The following IRF2BPL variants were observed in gnomAD, a reference collection of about 807,000 sequenced individuals.
IRF2BPL encodes the protein probable E3 ubiquitin-protein ligase IRF2BPL.
In IRF2BPL, 13 loss-of-function variants were observed where a neutral mutation model predicts 51.2. The ratio of observed to expected loss-of-function variants is 0.25; its 90% confidence interval spans 0.17 to 0.40. The LOEUF (loss-of-function observed/expected upper bound fraction) is 0.40, where lower values mean the gene tolerates loss of function less well. IRF2BPL is among the 10% of genes least tolerant of loss of function. The pLI is 1.00. For synonymous variants in IRF2BPL, 768 were observed against 509.2 expected, an observed-to-expected ratio of 1.51 and a Z score of -6.84; for missense variants, 1,210 against 1,111.8, an observed-to-expected ratio of 1.09 and a Z score of -1.26.
In IRF2BPL at chr14:77,025,405, A is replaced by G. The variant is rs753122396; in HGVS notation, c.2388T>C (p.Pro796=). The change falls in exon 1 of 1, where the codon CCT becomes CCC. Residue 796 remains proline (P), a synonymous_variant. Transcript: ENST00000238647. ...AAGGAGGTGGCTGCCCAGTGGTTCA[A>G]GGGTCTCTCTCCTTTTTCACTTTAA... ...GDVKVKKERD[P] 1 of 1,548,692 alleles carries G rather than the reference A, an allele frequency of 6.5e-7. No individual in the cohort carries two copies. Among genetic ancestry groups the G allele is most frequent in the South Asian group, 1.2e-5 (1 of 80,776 alleles).
At position 77,026,264 on chromosome 14, in the gene IRF2BPL, G is replaced by A. The variant is rs1885113949; in HGVS notation, c.1529C>T (p.Ala510Val). The change falls in exon 1 of 1, where the codon GCT becomes GTT. Residue 510 changes from alanine (A) to valine (V), a missense_variant. Physicochemically the swap from Ala to Val is moderately conservative, Grantham distance 64. Transcript: ENST00000238647. ...LDASCPMLPT[A>V]LVSLSRAPSA... ...GGGGGCGCGGCTCAGACTCACCAGA[G>A]CAGTGGGCAGCATGGGACAGCTGGC... 2 of 1,490,534 alleles carry A rather than the reference G, an allele frequency of 1.3e-6. No individual in the cohort carries two copies. Among genetic ancestry groups the A allele is most frequent in the East Asian group, 2.4e-5 (1 of 41,112 alleles). The allele number at this position is 1,490,534 out of a possible 1,614,324, so 92.3% of individuals were successfully genotyped here. A position where few individuals can be genotyped will look rare whatever the true frequency, so the allele number is the denominator to read the frequency against.
In IRF2BPL at chr14:77,024,659, G is replaced by C. The variant is rs890138370; in HGVS notation, c.*743C>G. On this transcript the variant is annotated 3_prime_UTR_variant, in exon 1 of 1. Coordinates refer to ENST00000238647, the MANE Select transcript of IRF2BPL (RefSeq NM_024496.4). ...GCAGATTCTCCATGTCTAGCATTTCGCTCTACTGTTCAAAAGCATCCGTGC... is the reference window on the plus strand; with the variant it reads ...GCAGATTCTCCATGTCTAGCATTTCCCTCTACTGTTCAAAAGCATCCGTGC... 1 of 152,476 alleles carries C rather than the reference G, an allele frequency of 6.6e-6. No individual in the cohort carries two copies. The highest frequency in any genetic ancestry group is 1.5e-5 in the Non-Finnish European group (1 of 68,024). 9.4% of individuals were successfully genotyped at this position (152,476 alleles called of 1,614,324 possible). A position where few individuals can be genotyped will look rare whatever the true frequency, so the allele number is the denominator to read the frequency against.
Position 77,027,148 on chromosome 14 carries a change from G to A in IRF2BPL, c.645C>T (p.Ser215=), listed in dbSNP as rs1302535008. Residue 215 remains serine (S), a synonymous_variant, in exon 1 of 1, where the codon AGC becomes AGT. Transcript: ENST00000238647. ...EEGPPELNRQ[S]PNSSSAAASV... ...ACGCCGCCGCTGAAGAAGAATTGGG[G>A]CTCTGACGGTTCAGCTCTGGGGGTC... The A allele has an allele frequency of 3.7e-6, 6 of 1,613,168 alleles. No homozygotes were observed. The highest frequency in any genetic ancestry group is 4.2e-6 in the Non-Finnish European group (5 of 1,179,674).
chr14:77,026,044 G>C lies in IRF2BPL; in HGVS notation c.1749C>G (p.Ala583=). ...CGTGCCCCGGCGCCGCGAAGCCCCC[G>C]GCGGACATGGTGAGCTTCAGCGCCT... ...QSEALKLTMS[A]GGFAAPGHAA... The change falls in exon 1 of 1, where the codon GCC becomes GCG. Residue 583 remains alanine (A), a synonymous_variant. Coordinates refer to ENST00000238647, the MANE Select transcript of IRF2BPL (RefSeq NM_024496.4). 1 of 1,564,562 alleles carries C rather than the reference G, an allele frequency of 6.4e-7. No individual in the cohort carries two copies. The highest frequency in any genetic ancestry group is 8.6e-7 in the Non-Finnish European group (1 of 1,157,324).
rs759689794 is a variant in IRF2BPL at position 77,025,592 on chromosome 14, G to T, written c.2201C>A (p.Pro734His). The change falls in exon 1 of 1, where the codon CCC becomes CAC. Residue 734 changes from proline (P) to histidine (H), a missense_variant. Transcript: ENST00000238647. ...DTHFVQCPSV[P>H]SHKFCFPCSR... ...GCAAGGGAAGCAAAATTTGTGGCTG[G>T]GGACGGAAGGGCACTGAACGAAATG... 3 of 1,606,384 alleles carry T rather than the reference G, an allele frequency of 1.9e-6. No homozygotes were observed. The highest frequency in any genetic ancestry group is 2.6e-6 in the Non-Finnish European group (3 of 1,176,058).
In IRF2BPL at chr14:77,027,192, T is replaced by G. The variant is rs1294641190; in HGVS notation, c.601A>C (p.Lys201Gln). The change falls in exon 1 of 1, where the codon AAA (lysine) becomes CAA (glutamine). Residue 201 changes from lysine (K) to glutamine (Q), a missense_variant. Coordinates refer to ENST00000238647, the MANE Select transcript of IRF2BPL (RefSeq NM_024496.4). Reference sequence around the variant, plus strand: ...GGGGGTCCCTCCTCTGGTGTTGGTTTGGGGAAGCCGTTTGGGCCCCCCAGG... The same window carrying G: ...GGGGGTCCCTCCTCTGGTGTTGGTTGGGGGAAGCCGTTTGGGCCCCCCAGG... ...NGLGGPNGFPKPTPEEGPPEL... is the reference protein window; with the variant it reads ...NGLGGPNGFPQPTPEEGPPEL... 1.2e-6 allele frequency: 2 copies of G among 1,611,420 alleles called. No homozygotes were observed. Among genetic ancestry groups the G allele is most frequent in the South Asian group, 2.2e-5 (2 of 90,952 alleles).
In IRF2BPL at chr14:77,028,700, G is replaced by T; in HGVS notation, c.-908C>A. On this transcript the variant is annotated 5_prime_UTR_variant, in exon 1 of 1. Coordinates refer to ENST00000238647, the MANE Select transcript of IRF2BPL (RefSeq NM_024496.4). ...CGCTCCTGCTCCGGCTGCGGCTCGC[G>T]CTGTCCCCGGCTTGGCCGCGCGGGA... 2.9e-6 allele frequency: 1 copy of T among 346,060 alleles called. No homozygotes were observed. 21.4% of individuals were successfully genotyped at this position (346,060 alleles called of 1,614,324 possible).
At position 77,025,652 on chromosome 14, in the gene IRF2BPL, C is replaced by T. The variant is rs370752093; in HGVS notation, c.2141G>A (p.Cys714Tyr). The T allele has an allele frequency of 6.4e-7, 1 of 1,570,054 alleles. No individual in the cohort carries two copies. Among genetic ancestry groups the T allele is most frequent in the Non-Finnish European group, 8.7e-7 (1 of 1,155,088 alleles). ...CAAACGTTCGTGGCAAATGGTGCAGCAGAGGGGTCCGCTGTTGGCCATGGG... is the reference window on the plus strand; with the variant it reads ...CAAACGTTCGTGGCAAATGGTGCAGTAGAGGGGTCCGCTGTTGGCCATGGG... The part of the protein sequence containing the change: ...DSPMANSGPL[C>Y]CTICHERLED... Residue 714 changes from cysteine (C) to tyrosine (Y), a missense_variant, in exon 1 of 1, where the codon TGC (cysteine) becomes TAC (tyrosine). Cys to Tyr is a radical substitution (Grantham distance 194, BLOSUM62 -2). Coordinates refer to ENST00000238647, the MANE Select transcript of IRF2BPL (RefSeq NM_024496.4).
rs769398917 is a variant in IRF2BPL, at chr14:77,027,359, C to T, written c.434G>A (p.Gly145Asp). 2.6e-6 allele frequency: 4 copies of T among 1,513,710 alleles called. No homozygotes were observed. Among genetic ancestry groups the T allele is most frequent in the Non-Finnish European group, 3.5e-6 (4 of 1,134,878 alleles). The allele number at this position is 1,513,710 out of a possible 1,614,324, so 93.8% of individuals were successfully genotyped here. A position where few individuals can be genotyped will look rare whatever the true frequency, so the allele number is the denominator to read the frequency against. The stretch of plus-strand genomic sequence containing the variant: ...AGCGCTTAGGCCGTAGCGCTCCAGG[C>T]CAGACGGGGCCGCCAGCACCGCAGG... The part of the protein sequence containing the change: ...SKPAVLAAPS[G>D]LERYGLSAAA... The change falls in exon 1 of 1, where the codon GGC becomes GAC. Residue 145 changes from glycine to aspartate, a missense_variant. Gly to Asp is a moderately conservative substitution (Grantham distance 94, BLOSUM62 -1). Transcript: ENST00000238647.
rs757523678 is a variant in IRF2BPL at position 77,027,590 on chromosome 14, C to A, written c.203G>T (p.Arg68Leu). 1.9e-6 allele frequency: 3 copies of A among 1,571,470 alleles called. No individual in the cohort carries two copies. The highest frequency in any genetic ancestry group is 2.3e-5 in the South Asian group (2 of 86,942). The change falls in exon 1 of 1, where the codon CGC becomes CTC. Residue 68 changes from arginine to leucine, a missense_variant. Transcript: ENST00000238647. The stretch of plus-strand genomic sequence containing the variant: ...GACGGGCGGCGGCGGCCCGGGGGAG[C>A]GGCCGTCCTGGAAGCAGCCGTGCGC... ...KRAHGCFQDGRSPGPPPPVGV... is the reference protein window; with the variant it reads ...KRAHGCFQDGLSPGPPPPVGV...
Position 77,027,901 on chromosome 14 carries a change from G to GA in IRF2BPL, c.-110dup. The GA allele has an allele frequency of 7.7e-7, 1 of 1,302,810 alleles. No individual in the cohort carries two copies. Among genetic ancestry groups the GA allele is most frequent in the East Asian group, 2.9e-5 (1 of 34,270 alleles). 80.7% of individuals were successfully genotyped at this position (1,302,810 alleles called of 1,614,324 possible). On this transcript the variant is annotated 5_prime_UTR_variant, in exon 1 of 1. Coordinates refer to ENST00000238647, the MANE Select transcript of IRF2BPL (RefSeq NM_024496.4). ...GGGAGTCCGACTGCGGGGGAGGGAG[G>GA]AGGGGGGGCGAGAAAGTTCTGCCCC...
Position 77,026,873 on chromosome 14 carries a change from G to A in IRF2BPL, c.920C>T (p.Ala307Val), listed in dbSNP as rs1284673871. 10 of 1,579,880 alleles carry A rather than the reference G, an allele frequency of 6.3e-6. No individual in the cohort carries two copies. The highest frequency in any genetic ancestry group is 2.3e-5 in the East Asian group (1 of 43,646). ...ACLGGTPGVS[A>V]TSSSASSSTS... ...CGAAGACGACGCGGAGGACGACGTG[G>A]CCGATACACCCGGGGTACCCCCGAG... Residue 307 changes from alanine (A) to valine (V), a missense_variant, in exon 1 of 1, where the codon GCC (alanine) becomes GTC (valine). By Grantham distance (64) the Ala-to-Val change is moderately conservative. Coordinates refer to ENST00000238647, the MANE Select transcript of IRF2BPL (RefSeq NM_024496.4).
In IRF2BPL at chr14:77,026,799, G is replaced by C. The variant is rs757580099; in HGVS notation, c.994C>G (p.Pro332Ala). 7.4e-6 allele frequency: 12 copies of C among 1,612,654 alleles called. No individual in the cohort carries two copies. The highest frequency in any genetic ancestry group is 1.0e-5 in the Non-Finnish European group (12 of 1,179,808). Reference protein sequence around the residue: ...EVGVGAGGKRPGSVSSTDQER... With the variant: ...EVGVGAGGKRAGSVSSTDQER... ...TGGTCTGTGCTCGACACCGAGCCGGGCCTCTTACCACCAGCACCCACGCCC... is the reference window on the plus strand; with the variant it reads ...TGGTCTGTGCTCGACACCGAGCCGGCCCTCTTACCACCAGCACCCACGCCC... Residue 332 changes from proline (P) to alanine (A), a missense_variant, in exon 1 of 1, where the codon CCC (proline) becomes GCC (alanine). Transcript: ENST00000238647.
chr14:77,026,449 G>C lies in IRF2BPL; in HGVS notation c.1344C>G (p.Asp448Glu), dbSNP rs201784681. 7 of 1,613,544 alleles carry C rather than the reference G, an allele frequency of 4.3e-6. No homozygotes were observed. Among genetic ancestry groups the C allele is most frequent in the Middle Eastern group, 1.6e-4 (1 of 6,062 alleles). Residue 448 changes from aspartate to glutamate, a missense_variant, in exon 1 of 1, where the codon GAC (aspartate) becomes GAG (glutamate). By Grantham distance (45) the Asp-to-Glu change is conservative. Coordinates refer to ENST00000238647, the MANE Select transcript of IRF2BPL (RefSeq NM_024496.4). Reference sequence around the variant, plus strand: ...AACCCGAGGATAGGCCCCGGCCGAAGTCCTTCATGCAGTCCTGATACATCT... The same window carrying C: ...AACCCGAGGATAGGCCCCGGCCGAACTCCTTCATGCAGTCCTGATACATCT... ...AKQMYQDCMK[D>E]FGRGLSSGFK...
rs1268157935 is a variant in IRF2BPL, at chr14:77,025,413, TCTC to T, written c.2377_2379del (p.Glu793del). 3 of 1,557,440 alleles carry T rather than the reference TCTC, an allele frequency of 1.9e-6. No individual in the cohort carries two copies. The highest frequency in any genetic ancestry group is 1.7e-4 in the Middle Eastern group (1 of 5,814). ...GGCTGCCCAGTGGTTCAAGGGTCTC[TCTC>T]CTTTTTCACTTTAACATCCCCAGCT... On this transcript the variant is annotated inframe_deletion, in exon 1 of 1. Coordinates refer to ENST00000238647, the MANE Select transcript of IRF2BPL (RefSeq NM_024496.4).
In IRF2BPL at chr14:77,027,264, G is replaced by T; in HGVS notation, c.529C>A (p.Pro177Thr). The part of the protein sequence containing the change: ...QRSRFEYPPP[P>T]VSLGSSSHTA... The stretch of plus-strand genomic sequence containing the variant: ...TGGCTGCTGCTTCCCAGGCTCACCG[G>T]CGGTGGCGGGTACTCGAAGCGGCTG... Residue 177 changes from proline (P) to threonine (T), a missense_variant, in exon 1 of 1, where the codon CCG becomes ACG. Pro to Thr is a conservative substitution (Grantham distance 38, BLOSUM62 -1). Transcript: ENST00000238647. 6.3e-7 allele frequency: 1 copy of T among 1,583,190 alleles called. No homozygotes were observed. Among genetic ancestry groups the T allele is most frequent in the Non-Finnish European group, 8.6e-7 (1 of 1,169,374 alleles).
chr14:77,027,652 G>A lies in IRF2BPL; in HGVS notation c.141C>T (p.Ile47=), dbSNP rs764693322. The A allele has an allele frequency of 1.4e-5, 22 of 1,610,850 alleles. No homozygotes were observed. Among genetic ancestry groups the A allele is most frequent in the Non-Finnish European group, 1.8e-5 (21 of 1,179,116 alleles). ...GCVNYEGADR[I]EFVIETARQL... is the part of the protein sequence containing the mutation. ...GGCGCGCTGTCTCGATCACGAATTC[G>A]ATGCGATCAGCGCCCTCGTAGTTGA... The change falls in exon 1 of 1, where the codon ATC becomes ATT. Residue 47 remains isoleucine, a synonymous_variant. Coordinates refer to ENST00000238647, the MANE Select transcript of IRF2BPL (RefSeq NM_024496.4).
Position 77,025,271 on chromosome 14 carries a change from T to C in IRF2BPL, c.*131A>G. 1 of 565,476 alleles carries C rather than the reference T, an allele frequency of 1.8e-6. No individual in the cohort carries two copies. The highest frequency in any genetic ancestry group is 3.0e-6 in the Non-Finnish European group (1 of 331,754). 35.0% of individuals were successfully genotyped at this position (565,476 alleles called of 1,614,324 possible). On this transcript the variant is annotated 3_prime_UTR_variant, in exon 1 of 1. Transcript: ENST00000238647. The stretch of plus-strand genomic sequence containing the variant: ...AATGTCTATACATAAGACTAACTTT[T>C]TGCAGTTTCGTTATATTCACAATTC...
Position 77,027,496 on chromosome 14 carries a change from GGCGGCGGCCGCCGCTGCT to G in IRF2BPL, c.279_296del (p.Ala97_Ala102del). The G allele has an allele frequency of 1.5e-6, 1 of 680,512 alleles. No individual in the cohort carries two copies. The highest frequency in any genetic ancestry group is 1.9e-6 in the Non-Finnish European group (1 of 540,402). The allele number at this position is 680,512 out of a possible 1,614,324, so 42.2% of individuals were successfully genotyped here. On this transcript the variant is annotated inframe_deletion, in exon 1 of 1. Coordinates refer to ENST00000238647, the MANE Select transcript of IRF2BPL (RefSeq NM_024496.4). Reference sequence around the variant, plus strand: ...GTTGCTGTTGCTGTTGCGCGGCGGCGGCGGCGGCCGCCGCTGCTGCCGCCGCCGCCGCCGCTTCCTTAG... The same window carrying G: ...GTTGCTGTTGCTGTTGCGCGGCGGCGGCCGCCGCCGCCGCCGCTTCCTTAG...
Sources: allele counts gnomAD v4.1 joint callset, GRCh38; gene constraint gnomAD v4.1.1; transcripts MANE v1.5; gene names NCBI Gene and HGNC (gene_info 2026-07-23, HGNC 2026-07-21).